CPQ: variants seen among roughly 807,000 people sequenced by gnomAD.
The protein encoded by CPQ is carboxypeptidase Q, also known as Ser-Met dipeptidase.
CPQ carries 37 observed loss-of-function variants against 45.7 expected under a neutral mutation model. The ratio of observed to expected loss-of-function variants is 0.81; its 90% CI spans 0.62 to 1.07. The LOEUF is 1.07. Ranked by LOEUF, CPQ falls within the 50% of genes least tolerant of loss-of-function variation. CPQ has a pLI of 0.00. For synonymous variants in CPQ, 186 were observed against 205.8 expected (o/e 0.90, Z 0.82); for missense variants, 537 against 572.9 (o/e 0.94, Z 0.64).
chr8:96,696,954 C>A (rs1357313963), intron 1 of CPQ, among the ~76,000 whole-genome samples: 1 of 152,118 alleles, frequency 6.6e-6, no homozygotes, highest in East Asian at 1.9e-4. Flanking sequence ...AAAACTAATA[C>A]CAGTGCTACT....
At chr8:96,889,480 G>A (rs1266417130) in intron 4 of CPQ, among the ~76,000 whole-genome samples, 1 of 152,092 alleles carries the variant, frequency 6.6e-6, no homozygotes, top group African/African-American at 2.4e-5. Flanking sequence ...GGTGTATTAG[G>A]GTTCTCTAGA....
At chr8:97,030,782 G>T (rs1464478097) in intron 6 of CPQ, among the ~76,000 whole-genome samples, 1 of 152,198 alleles carries the variant, frequency 6.6e-6, no homozygotes, top group Non-Finnish European at 1.5e-5. Flanking sequence ...CGATTAACTT[G>T]AATTATAAGG....
intron 1 of CPQ, among the ~76,000 whole-genome samples, chr8:96,649,294 G>A (rs1357297570): frequency 6.6e-6 from 1 of 152,196 alleles, no homozygotes; most frequent in African/African-American, 2.4e-5. Context: ...GCATTTTTAA[G>A]CTGAATTTTA....
intron 3 of CPQ, among the ~76,000 whole-genome samples, chr8:96,867,000 T>C (rs776443088): frequency 2.6e-5 from 4 of 152,112 alleles, no homozygotes; most frequent in Non-Finnish European, 5.9e-5. Flanking sequence ...TTACATCAAC[T>C]AAATACTGCA....
At chr8:96,676,871 T>A (rs1449450243) in intron 1 of CPQ, among the ~76,000 whole-genome samples, 1 of 152,048 alleles carries the variant, frequency 6.6e-6, no homozygotes, top group Non-Finnish European at 1.5e-5. Flanking sequence ...TATATCATTC[T>A]TATGCCTTTG....
chr8:97,107,542 G>C (rs970517471), intron 7 of CPQ, among the ~76,000 whole-genome samples: 1 of 152,238 alleles, frequency 6.6e-6, no homozygotes, highest in Non-Finnish European at 1.5e-5. Flanking sequence ...TGGACCCAGA[G>C]AAGAGGACTA....
At chr8:96,884,378 C>A (rs552107003) in intron 4 of CPQ, among the ~76,000 whole-genome samples, 2 of 152,106 alleles carry the variant, frequency 1.3e-5, no homozygotes, top group South Asian at 4.2e-4. Context: ...TACTTCTTTG[C>A]AATGAGGCTC....
chr8:96,879,175 CA>C (rs1812186974), intron 3 of CPQ, among the ~76,000 whole-genome samples: 1 of 152,040 alleles, frequency 6.6e-6, no homozygotes, highest in Non-Finnish European at 1.5e-5. Context: ...CCTTTAGTGC[CA>C]AAAGTATAAT....
chr8:96,852,651 T>C (rs1202395458), intron 3 of CPQ, among the ~76,000 whole-genome samples: 1 of 152,190 alleles, frequency 6.6e-6, no homozygotes, highest in Non-Finnish European at 1.5e-5. Flanking sequence ...AGGTGTCAGA[T>C]AGACAGTATG....
intron 2 of CPQ, among the ~76,000 whole-genome samples, chr8:96,806,038 A>T (rs1811074155): frequency 6.6e-6 from 1 of 152,118 alleles, no homozygotes; most frequent in African/African-American, 2.4e-5. Context: ...AGAATACTGA[A>T]GTCTGGGGAT....
rs1325926884 is a variant in CPQ at position 97,124,125 on chromosome 8, C to G, written c.1256-18895C>G. ...CCTGTAATCCCAGCTGCTCTGGAGG[C>G]TGAGGCAGGAGAATCGTTTGAGCTG... On this transcript the variant is annotated intron_variant, in intron 7 of 7. Coordinates refer to ENST00000220763, the MANE Select transcript of CPQ (RefSeq NM_016134.4). Among the ~76,000 whole-genome samples, 3 of 143,192 alleles carry G rather than the reference C, an allele frequency of 2.1e-5. No homozygotes were observed. The Admixed American group carries it at 2.2e-4, about 11-fold the overall frequency. The allele number at this position is 143,192 out of a possible 152,430, so 93.9% of individuals were successfully genotyped here.
intron 5 of CPQ, among the ~76,000 whole-genome samples, chr8:96,967,576 A>G (rs1813588876): frequency 6.6e-6 from 1 of 152,232 alleles, no homozygotes; most frequent in Admixed American, 6.5e-5. Context: ...TGAATTGAGT[A>G]TCTTTTACCA....
chr8:96,965,372 CTTTT>C (rs5893403), intron 4 of CPQ, among the ~76,000 whole-genome samples: 1 of 80,566 alleles, frequency 1.2e-5, no homozygotes, highest in African/African-American at 4.6e-5. Context: ...AATTTCTTTT[CTTTT>C]TTTTTTTTTT....
At chr8:96,679,605 C>A (rs1809123474) in intron 1 of CPQ, among the ~76,000 whole-genome samples, 2 of 151,988 alleles carry the variant, frequency 1.3e-5, no homozygotes, top group African/African-American at 4.8e-5. Flanking sequence ...AATTTTTATT[C>A]TGCTCAGGCT....
intron 1 of CPQ, among the ~76,000 whole-genome samples, chr8:96,723,094 C>T (rs747835561): frequency 3.9e-5 from 6 of 152,158 alleles, no homozygotes; most frequent in Non-Finnish European, 8.8e-5. Flanking sequence ...TTATCTTGAA[C>T]ATGCAATCCT....
At chr8:96,852,345 A>T (rs184112399) in intron 3 of CPQ, among the ~76,000 whole-genome samples, 1 of 152,182 alleles carries the variant, frequency 6.6e-6, no homozygotes, top group Non-Finnish European at 1.5e-5. Flanking sequence ...CACACACAAA[A>T]AAAAAGACAC....
intron 4 of CPQ, among the ~76,000 whole-genome samples, chr8:96,958,123 G>C (rs747679114): frequency 1.3e-5 from 2 of 151,868 alleles, no homozygotes; most frequent in Non-Finnish European, 2.9e-5. Context: ...TTACATGTGT[G>C]AGCCACCATG....
intron 1 of CPQ, among the ~76,000 whole-genome samples, chr8:96,682,353 G>A (rs766439519): frequency 1.4e-4 from 22 of 152,216 alleles, no homozygotes; most frequent in Non-Finnish European, 2.9e-4. Flanking sequence ...GTTTTAAAAA[G>A]AGAAGTTTCC....
At chr8:96,753,147 GT>G (rs1810283327) in intron 1 of CPQ, among the ~76,000 whole-genome samples, 2 of 152,040 alleles carry the variant, frequency 1.3e-5, no homozygotes, top group Admixed American at 1.3e-4. Flanking sequence ...TACACAAACC[GT>G]TTATAGAGTA....
Sources: gnomAD v4.1 joint callset for allele counts (sites outside exome capture counted in the v4.1 genomes callset) on GRCh38, gnomAD v4.1.1 for gene constraint, MANE v1.5 for transcripts, NCBI Gene and HGNC (gene_info 2026-07-23, HGNC 2026-07-21) for gene names.